MTRR: variants seen among roughly 807,000 people sequenced by gnomAD.
The protein encoded by MTRR is 5-methyltetrahydrofolate-homocysteine methyltransferase reductase.
MTRR carries 63 observed loss-of-function variants against 79.2 expected under a neutral mutation model. The ratio of observed to expected loss-of-function variants is 0.80; its 90% CI spans 0.65 to 0.98. MTRR has a LOEUF of 0.98. MTRR is among the 50% of genes least tolerant of loss of function. The probability of loss-of-function intolerance (pLI) is 0.00; values close to 1 mark genes in which losing one functional copy is unlikely to be tolerated. For synonymous variants in MTRR, 355 were observed against 313.3 expected, an observed-to-expected ratio of 1.13 and a Z score of -1.41; for missense variants, 895 against 839.6, an observed-to-expected ratio of 1.07 and a Z score of -0.82.
At chr5:7,889,327 C>T (rs549653138) in intron 9 of MTRR, 52 bp downstream of exon 9, 6 of 1,604,166 alleles carry the variant, frequency 3.7e-6, no homozygotes, top group African/African-American at 2.7e-5. Context: ...CACTGGTAGG[C>T]GGGCCACCTT....
Position 7,878,229 on chromosome 5 carries a change from C to T in MTRR, c.687C>T (p.Thr229=), listed in dbSNP as rs886060805. Residue 229 remains threonine (T), a synonymous_variant, in exon 5 of 15, where the codon ACC becomes ACT. Transcript: ENST00000440940. ...VVIEDFESSL[T]RSVPPLSQAS... The stretch of plus-strand genomic sequence containing the variant: ...TTGAAGACTTTGAGTCCTCACTTAC[C>T]CGTTCGGTACCCCCACTCTCACAAG... The T allele has an allele frequency of 1.2e-6, 2 of 1,614,158 alleles. No homozygotes were observed. The highest frequency in any genetic ancestry group is 1.7e-6 in the Non-Finnish European group (2 of 1,180,032).
chr5:7,883,148 T>C lies in MTRR; in HGVS notation c.781-7T>C. 6.2e-7 allele frequency: 1 copy of C among 1,614,190 alleles called. No homozygotes were observed. Among genetic ancestry groups the C allele is most frequent in the Non-Finnish European group, 8.5e-7 (1 of 1,180,026 alleles). ...GCACTTACGTTTTGTCACATTTGTT[T>C]TTCAAGGAGGAAAGCCAAGTATCTG... On this transcript the variant is annotated splice_polypyrimidine_tract_variant and splice_region_variant and intron_variant, in intron 5 of 14. Coordinates refer to ENST00000440940, the MANE Select transcript of MTRR (RefSeq NM_002454.3).
chr5:7,885,723 C>A lies in MTRR; in HGVS notation c.926C>A (p.Pro309His). 2 of 1,613,486 alleles carry A rather than the reference C, an allele frequency of 1.2e-6. No individual in the cohort carries two copies. Among genetic ancestry groups the A allele is most frequent in the Non-Finnish European group, 1.7e-6 (2 of 1,179,972 alleles). ...DISNTDFSYQPGDAFSVICPN... is the reference protein window; with the variant it reads ...DISNTDFSYQHGDAFSVICPN... ...TAGAATACAGACTTTTCCTATCAGC[C>A]TGGAGATGCCTTCAGCGTGATCTGC... The change falls in exon 7 of 15, where the codon CCT (proline) becomes CAT (histidine). Residue 309 changes from proline to histidine, a missense_variant. Transcript: ENST00000440940.
At chr5:7,852,816 C>A (rs1425521717) in intron 1 of MTRR, among the ~76,000 whole-genome samples, 1 of 151,984 alleles carries the variant, frequency 6.6e-6, no homozygotes, top group African/African-American at 2.4e-5. Context: ...CAAGAGAGGT[C>A]AACTAATGGT....
chr5:7,893,023 ATGC>A, intron 11 of MTRR, 110 bp downstream of exon 11: 2 of 1,285,768 alleles, frequency 1.6e-6, no homozygotes, highest in South Asian at 2.6e-5. Flanking sequence ...AAGAAAATTT[ATGC>A]TGTTCTTGAA....
intron 11 of MTRR, among the ~76,000 whole-genome samples, chr5:7,894,822 G>A (rs550377258): frequency 5.3e-5 from 8 of 152,310 alleles, no homozygotes; most frequent in Non-Finnish European, 7.4e-5. Flanking sequence ...AGACAGGGGC[G>A]TTGTTTTGTT....
intron 1 of MTRR, chr5:7,861,091 A>G (rs1336947237): frequency 9.5e-7 from 1 of 1,054,952 alleles, no homozygotes; most frequent in African/African-American, 1.6e-5. Context: ...TAACCTGGAA[A>G]AATAATTTTG....
At chr5:7,874,734 G>A (rs326120) in intron 3 of MTRR, among the ~76,000 whole-genome samples, 128,731 of 151,996 alleles carry the variant, frequency 0.85, 54,716 homozygotes, top group African/African-American at 0.9. Context: ...TAAACTCTAT[G>A]AAGGTCCAGA....
chr5:7,868,901 G>A, upstream of MTRR: 2 of 593,346 alleles, frequency 3.4e-6, no homozygotes, highest in African/African-American at 1.8e-5. Context: ...GCCGGGCGGC[G>A]CAGCCTGAGG....
At chr5:7,899,817 A>G (rs1001543625) in intron 14 of MTRR, 97 bp from the exon 15 acceptor site, 30 of 1,451,020 alleles carry the variant, frequency 2.1e-5, no homozygotes, top group African/African-American at 4.2e-5. Flanking sequence ...GGGAAGAACT[A>G]TGGTGGTACA....
At chr5:7,889,508 T>C (rs1737195061) in intron 9 of MTRR, among the ~76,000 whole-genome samples, 1 of 152,090 alleles carries the variant, frequency 6.6e-6, no homozygotes, top group African/African-American at 2.4e-5. Context: ...CTTCCAGACT[T>C]TTGGTTTTCT....
intron 10 of MTRR, 90 bp downstream of exon 10, chr5:7,891,504 C>T (rs1287518547): frequency 9.0e-7 from 1 of 1,109,214 alleles, no homozygotes. Context: ...CTAATTTATT[C>T]AGTGAAAACT....
chr5:7,889,133 T>C lies in MTRR; in HGVS notation c.1185T>C (p.Ser395=). 6.2e-7 allele frequency: 1 copy of C among 1,614,118 alleles called. No individual in the cohort carries two copies. Among genetic ancestry groups the C allele is most frequent in the Non-Finnish European group, 8.5e-7 (1 of 1,179,982 alleles). ...CCCTTGTGGACTATACCAGTGACAG[T>C]GCTGAAAAGCGCAGGCTACAGGAGC... ...LRALVDYTSD[S]AEKRRLQELC... Residue 395 remains serine (S), a synonymous_variant, in exon 9 of 15, where the codon AGT becomes AGC. Coordinates refer to ENST00000440940, the MANE Select transcript of MTRR (RefSeq NM_002454.3).
intron 1 of MTRR, 142 bp from the exon 2 acceptor site, chr5:7,870,628 T>C (rs1747794282): frequency 1.2e-6 from 1 of 831,500 alleles, no homozygotes; most frequent in Non-Finnish European, 2.0e-6. Flanking sequence ...TTGAGATTAG[T>C]GCTGAAAACA....
intron 2 of MTRR, chr5:7,862,802 A>C: frequency 1.9e-6 from 3 of 1,593,196 alleles, no homozygotes; most frequent in African/African-American, 1.4e-5. Context: ...TTAAAACAAC[A>C]AAACTCCTTA....
upstream of MTRR, chr5:7,867,386 C>T: frequency 6.2e-7 from 1 of 1,614,198 alleles, no homozygotes; most frequent in Non-Finnish European, 8.5e-7. Flanking sequence ...TAGTGTCACA[C>T]AACCTGAACT....
At chr5:7,891,715 C>T (rs1311551784) in intron 10 of MTRR, among the ~76,000 whole-genome samples, 5 of 152,014 alleles carry the variant, frequency 3.3e-5, no homozygotes, top group East Asian at 1.9e-4. Context: ...GAGTGGCAGC[C>T]GGAGGCAGGG....
upstream of MTRR, chr5:7,865,759 A>G (rs1046737077): frequency 1.6e-6 from 1 of 623,660 alleles, no homozygotes; most frequent in African/African-American, 1.8e-5. Flanking sequence ...TTATCAAAGA[A>G]AAGCCTATCT....
intron 5 of MTRR, among the ~76,000 whole-genome samples, chr5:7,881,683 A>T (rs1293019394): frequency 6.6e-6 from 1 of 151,978 alleles, no homozygotes; most frequent in East Asian, 1.9e-4. Flanking sequence ...GCTCCTGAGG[A>T]TGTCCCCTGG....
Sources: gnomAD v4.1 joint callset for allele counts (sites outside exome capture counted in the v4.1 genomes callset) on GRCh38, gnomAD v4.1.1 for gene constraint, MANE v1.5 for transcripts, NCBI Gene and HGNC (gene_info 2026-07-23, HGNC 2026-07-21) for gene names.